The following RSBN1L variants were observed in gnomAD, a reference collection of about 807,000 sequenced individuals.
RSBN1L encodes round spermatid basic protein 1 like.
RSBN1L carries 30 observed loss-of-function variants against 67.7 expected under a neutral mutation model. The ratio of observed to expected loss-of-function variants is 0.44; its 90% CI spans 0.33 to 0.60. RSBN1L has a LOEUF of 0.60. RSBN1L is among the 20% of genes least tolerant of loss of function. RSBN1L has a pLI of 0.02. For missense variants in RSBN1L, 992 were observed against 1,031.7 expected (o/e 0.96, Z 0.53); for synonymous variants, 433 against 387.0 (o/e 1.12, Z -1.39).
intron 1 of RSBN1L, among the ~76,000 whole-genome samples, chr7:77,725,351 C>A (rs546220290): frequency 1.5e-5 from 1 of 64,674 alleles, no homozygotes; most frequent in Admixed American, 1.4e-4. Context: ...TGGGTCCAAT[C>A]GATTCTCCTG....
At chr7:77,710,036 C>T (rs1049391207) in intron 1 of RSBN1L, among the ~76,000 whole-genome samples, 6 of 152,180 alleles carry the variant, frequency 3.9e-5, no homozygotes, top group African/African-American at 1.2e-4. Context: ...GAACTTGTGG[C>T]CAAATCTTGT....
chr7:77,715,887 T>C (rs1342247725), intron 1 of RSBN1L, among the ~76,000 whole-genome samples: 1 of 152,182 alleles, frequency 6.6e-6, no homozygotes, highest in Non-Finnish European at 1.5e-5. Flanking sequence ...CATGTACTTA[T>C]TTTCTATATA....
chr7:77,756,626 A>T (rs1791622018), intron 3 of RSBN1L, among the ~76,000 whole-genome samples: 1 of 151,928 alleles, frequency 6.6e-6, no homozygotes, highest in African/African-American at 2.4e-5. Context: ...AAAAATACAA[A>T]AATTAGCTGG....
chr7:77,757,703 C>T (rs1791637510), intron 3 of RSBN1L, among the ~76,000 whole-genome samples: 1 of 152,212 alleles, frequency 6.6e-6, no homozygotes, highest in African/African-American at 2.4e-5. Context: ...GGTCTTGGGA[C>T]ACCTCACTTA....
chr7:77,728,742 C>G (rs1010006192), intron 1 of RSBN1L, among the ~76,000 whole-genome samples: 7 of 152,212 alleles, frequency 4.6e-5, no homozygotes, highest in Admixed American at 4.6e-4. Flanking sequence ...CTCATTCTTA[C>G]TTTTTCTAAT....
intron 2 of RSBN1L, among the ~76,000 whole-genome samples, chr7:77,739,742 T>TC (rs1791384428): frequency 5.4e-5 from 2 of 37,294 alleles, no homozygotes; most frequent in Admixed American, 2.3e-4. Flanking sequence ...AATGTGTCTT[T>TC]TTTTTTTTTT....
At position 77,780,598 on chromosome 7, in the gene RSBN1L, T is replaced by C. The variant is rs756557773; in HGVS notation, c.*1430T>C. ...TTTCTTGCAGAATGGGAGAAAAATA[T>C]GGCAAATACAAAACTGTAAAATAAG... is the stretch of plus-strand genomic sequence containing the variant. On this transcript the variant is annotated 3_prime_UTR_variant, in exon 8 of 8. Coordinates refer to ENST00000334955, the MANE Select transcript of RSBN1L (RefSeq NM_198467.3). 2 of 152,188 alleles carry C rather than the reference T, an allele frequency of 1.3e-5. No individual in the cohort carries two copies. Among genetic ancestry groups the C allele is most frequent in the Non-Finnish European group, 2.9e-5 (2 of 68,024 alleles). 9.4% of individuals were successfully genotyped at this position (152,188 alleles called of 1,614,324 possible).
intron 1 of RSBN1L, 182 bp downstream of exon 1, chr7:77,697,237 A>G (rs1790749493): frequency 1.8e-6 from 1 of 553,594 alleles, no homozygotes; most frequent in Non-Finnish European, 2.7e-6. Flanking sequence ...TGGAGCCTGT[A>G]ATTTCGGTTG....
At chr7:77,731,350 C>T (rs1214486709) in intron 1 of RSBN1L, among the ~76,000 whole-genome samples, 1 of 152,122 alleles carries the variant, frequency 6.6e-6, no homozygotes. Context: ...AAACTCCCAC[C>T]TCAACCTCCC....
At chr7:77,768,454 A>G in intron 4 of RSBN1L, 4 of 526,520 alleles carry the variant, frequency 7.6e-6, no homozygotes, top group South Asian at 7.5e-5. Flanking sequence ...CCATCCAAGC[A>G]TAATTATTTT....
intron 1 of RSBN1L, among the ~76,000 whole-genome samples, chr7:77,699,271 C>G (rs548506262): frequency 6.6e-6 from 1 of 152,078 alleles, no homozygotes; most frequent in Non-Finnish European, 1.5e-5. Flanking sequence ...TATAAAGACA[C>G]CTAAACAAGG....
chr7:77,769,382 AAT>A (rs1791815245), intron 5 of RSBN1L, among the ~76,000 whole-genome samples: 1 of 152,256 alleles, frequency 6.6e-6, no homozygotes. Flanking sequence ...TTGGGAACTT[AAT>A]ATATGAGATA....
rs753083599 is a variant in RSBN1L at position 77,749,647 on chromosome 7, T to G, written c.927T>G (p.Asp309Glu). 4.3e-6 allele frequency: 7 copies of G among 1,614,020 alleles called. No homozygotes were observed. In the African/African-American group the frequency reaches 8.0e-5, roughly 18 times the overall value. ...AAGATTACGTTGGGAAGAATTTGGA[T>G]ACCAAGAACTATGATTCCAAAATTC... is the stretch of plus-strand genomic sequence containing the variant. ...NIKDYVGKNL[D>E]TKNYDSKIPE... The change falls in exon 3 of 8, where the codon GAT becomes GAG. Residue 309 changes from aspartate to glutamate, a missense_variant. By Grantham distance (45) the Asp-to-Glu change is conservative. Around this residue, in one of 7 missense-constraint regions of RSBN1L, gnomAD observed 575 missense variants for 483.2 expected, o/e 1.19. Coordinates refer to ENST00000334955, the MANE Select transcript of RSBN1L (RefSeq NM_198467.3).
At chr7:77,751,314 A>G (rs1791553795) in intron 3 of RSBN1L, among the ~76,000 whole-genome samples, 1 of 140,598 alleles carries the variant, frequency 7.1e-6, no homozygotes, top group Middle Eastern at 3.6e-3. Context: ...TAATTTTTGT[A>G]TTTTTGGTAG....
In RSBN1L at chr7:77,730,729, ACTT is replaced by A. The variant is rs1791262515; in HGVS notation, c.587-5677_587-5675del. On this transcript the variant is annotated intron_variant, in intron 1 of 7. Transcript: ENST00000334955. The stretch of plus-strand genomic sequence containing the variant: ...ATGTCTTTGCATGGCTTGATAGCTC[ACTT>A]CTTTTTAGTGCTGAAGAATATTCCA... Among the ~76,000 whole-genome samples the A allele has an allele frequency of 2.6e-5, 4 of 152,158 alleles. No individual in the cohort carries two copies. The South Asian group carries it at 8.3e-4, about 31-fold the overall frequency.
intron 1 of RSBN1L, among the ~76,000 whole-genome samples, chr7:77,714,339 C>T (rs753198611): frequency 7.2e-5 from 11 of 152,090 alleles, no homozygotes; most frequent in Admixed American, 3.3e-4. Context: ...TTTTTATCAC[C>T]GCAGAAAGTT....
At chr7:77,757,091 T>G (rs1033170709) in intron 3 of RSBN1L, among the ~76,000 whole-genome samples, 22 of 152,328 alleles carry the variant, frequency 1.4e-4, no homozygotes, top group Middle Eastern at 3.4e-3. Context: ...ATAATTTGCT[T>G]TAAATTCTGT....
At chr7:77,710,842 C>T (rs779507484) in intron 1 of RSBN1L, among the ~76,000 whole-genome samples, 4 of 151,914 alleles carry the variant, frequency 2.6e-5, no homozygotes, top group Admixed American at 6.6e-5. Flanking sequence ...GTGATACGCC[C>T]GCCTCAGCCT....
rs1554336107 is a variant in RSBN1L at position 77,696,962 on chromosome 7, GAGA to G, written c.496_498del (p.Lys166del). 5 of 1,576,690 alleles carry G rather than the reference GAGA, an allele frequency of 3.2e-6. No individual in the cohort carries two copies. Among genetic ancestry groups the G allele is most frequent in the Non-Finnish European group, 2.6e-6 (3 of 1,169,294 alleles). On this transcript the variant is annotated inframe_deletion, in exon 1 of 8. Transcript: ENST00000334955. ...GTCGCGCAGACCTAAGGAGAAGCGGGAGAAGGAGAGGAGGAGGCACGGTCTCGG... is the reference window on the plus strand; with the variant it reads ...GTCGCGCAGACCTAAGGAGAAGCGGGAGGAGAGGAGGAGGCACGGTCTCGG...
Sources: gnomAD v4.1 joint callset for allele counts (sites outside exome capture counted in the v4.1 genomes callset) on GRCh38, gnomAD v4.1.1 for gene constraint, gnomAD v4.1.1 regional missense constraint, MANE v1.5 for transcripts, NCBI Gene and HGNC (gene_info 2026-07-23, HGNC 2026-07-21) for gene names.